TLN2: variants seen among roughly 807,000 people sequenced by gnomAD.
TLN2 encodes talin 2.
Under a neutral mutation model 294.7 loss-of-function variants are expected in TLN2, and 118 were observed. The observed-to-expected ratio is 0.40, with a 90% confidence interval of 0.34 to 0.47. The LOEUF (loss-of-function observed/expected upper bound fraction) is 0.47. TLN2 is among the 20% of genes least tolerant of loss of function. The pLI is 0.84. For synonymous variants in TLN2, 1,431 were observed against 1,304.5 expected, an observed-to-expected ratio of 1.10 and a Z score of -2.09; for missense variants, 3,083 against 3,282.2, an observed-to-expected ratio of 0.94 and a Z score of 1.48.
At position 62,771,184 on chromosome 15, in the gene TLN2, A is replaced by G. The variant is rs779500847; in HGVS notation, c.5367+50A>G. 4 of 1,525,118 alleles carry G rather than the reference A, an allele frequency of 2.6e-6. No homozygotes were observed. In the Admixed American group the frequency reaches 7.6e-5, roughly 29 times the overall value. 94.5% of individuals were successfully genotyped at this position (1,525,118 alleles called of 1,614,324 possible). A position where few individuals can be genotyped will look rare whatever the true frequency, so the allele number is the denominator to read the frequency against. On this transcript the variant is annotated intron_variant, in intron 42 of 58. Coordinates refer to ENST00000636159, the MANE Select transcript of TLN2 (RefSeq NM_015059.3). Reference sequence around the variant, plus strand: ...CACTTAGGACCACTAAGAAGCCATCATGCATTCCTGCTGTAATGTGTCCTT... The same window carrying G: ...CACTTAGGACCACTAAGAAGCCATCGTGCATTCCTGCTGTAATGTGTCCTT...
intron 2 of TLN2, among the ~76,000 whole-genome samples, chr15:62,600,869 A>G (rs2046938317): frequency 6.6e-6 from 1 of 152,196 alleles, no homozygotes; most frequent in Non-Finnish European, 1.5e-5. Context: ...AAAATTATCT[A>G]CATTATGTTA....
intron 1 of TLN2, among the ~76,000 whole-genome samples, chr15:62,549,363 G>C (rs2042162485): frequency 1.3e-5 from 2 of 152,122 alleles, no homozygotes; most frequent in South Asian, 4.1e-4. Context: ...TCTAATACCT[G>C]TACCCAAGCA....
chr15:62,567,367 G>A (rs2043488605), intron 1 of TLN2, among the ~76,000 whole-genome samples: 2 of 152,214 alleles, frequency 1.3e-5, no homozygotes, highest in South Asian at 2.1e-4. Flanking sequence ...TTGAAGTTTG[G>A]AACACATTGT....
In TLN2 at chr15:62,480,675, C is replaced by T. The variant is rs556111159; in HGVS notation, c.-238+89990C>T. 6.6e-5 allele frequency among the ~76,000 whole-genome samples: 10 copies of T among 152,294 alleles called. 1 individual carries two copies. The highest frequency in any genetic ancestry group is 2.4e-4 in the African/African-American group (10 of 41,562). ...AGTCTTCATCACCCTGGTAAGCTGC[C>T]AGTGCTTCCAGTCTTCTGGTCCTGC... On this transcript the variant is annotated intron_variant, in intron 1 of 58. Transcript: ENST00000636159.
chr15:62,589,782 T>C lies in TLN2; in HGVS notation c.-162+20T>C, dbSNP rs1465216895. 1 of 152,230 alleles carries C rather than the reference T, an allele frequency of 6.6e-6. No individual in the cohort carries two copies. Among genetic ancestry groups the C allele is most frequent in the East Asian group, 1.9e-4 (1 of 5,194 alleles). The allele number at this position is 152,230 out of a possible 1,614,324, so 9.4% of individuals were successfully genotyped here. A position where few individuals can be genotyped will look rare whatever the true frequency, so the allele number is the denominator to read the frequency against. On this transcript the variant is annotated intron_variant, in intron 2 of 58. Transcript: ENST00000636159. ...TTTAAGGTAAGTCCTTTCGCAAAGA[T>C]ACTTTGTTCTTATCAATTGGCCAAT...
chr15:62,434,725 C>T (rs542062016), intron 1 of TLN2, among the ~76,000 whole-genome samples: 1 of 152,320 alleles, frequency 6.6e-6, no homozygotes, highest in African/African-American at 2.4e-5. Context: ...AAAATGGAAT[C>T]TCATATCACT....
At chr15:62,533,722 G>A (rs566673205) in intron 1 of TLN2, among the ~76,000 whole-genome samples, 89 of 152,316 alleles carry the variant, frequency 5.8e-4, no homozygotes, top group African/African-American at 2.1e-3. Flanking sequence ...CTTGGTGTTA[G>A]CAGATGCTAG....
chr15:62,635,998 G>A (rs1348933821), intron 3 of TLN2, among the ~76,000 whole-genome samples: 1 of 152,076 alleles, frequency 6.6e-6, no homozygotes, highest in African/African-American at 2.4e-5. Context: ...CTTGGGCGAA[G>A]TCTAAACCTC....
chr15:62,774,796 T>C (rs1266357152), intron 42 of TLN2, among the ~76,000 whole-genome samples: 4 of 152,142 alleles, frequency 2.6e-5, no homozygotes, highest in Non-Finnish European at 5.9e-5. Flanking sequence ...TTTAAATTGT[T>C]GAAGGAGTTC....
chr15:62,730,327 A>G (rs563404918), intron 28 of TLN2, among the ~76,000 whole-genome samples: 145 of 152,272 alleles, frequency 9.5e-4, no homozygotes, highest in Admixed American at 1.8e-3. Context: ...GGTGTGAGCC[A>G]CCGCACCCAG....
At chr15:62,553,843 CAA>C (rs2042457056) in intron 1 of TLN2, among the ~76,000 whole-genome samples, 1 of 151,808 alleles carries the variant, frequency 6.6e-6, no homozygotes, top group Admixed American at 6.6e-5. Context: ...CTTAAGTTGT[CAA>C]GAGAAATTAT....
chr15:62,833,486 G>C lies in TLN2; in HGVS notation c.7003-18G>C, dbSNP rs1169341052. The stretch of plus-strand genomic sequence containing the variant: ...GTGGATATGAATTGAATGTGATGCT[G>C]TTTTCTTTTGGTTATAGCAAGCGGA... On this transcript the variant is annotated intron_variant, in intron 54 of 58. Transcript: ENST00000636159. The C allele has an allele frequency of 4.3e-6, 7 of 1,612,058 alleles. No homozygotes were observed. Among genetic ancestry groups the C allele is most frequent in the African/African-American group, 1.3e-5 (1 of 74,900 alleles).
Position 62,756,744 on chromosome 15 carries a change from C to T in TLN2, c.4638+1051C>T, listed in dbSNP as rs554727968. ...CTCATTTTGTTTTGACTACAAAAAGCCAGTGCAATTGCATGCAGAAATCAG... is the reference window on the plus strand; with the variant it reads ...CTCATTTTGTTTTGACTACAAAAAGTCAGTGCAATTGCATGCAGAAATCAG... On this transcript the variant is annotated intron_variant, in intron 37 of 58. Transcript: ENST00000636159. Among the ~76,000 whole-genome samples, 49 of 152,132 alleles carry T rather than the reference C, an allele frequency of 3.2e-4. 1 individual carries two copies. The highest frequency in any genetic ancestry group is 2.5e-3 in the South Asian group (12 of 4,812).
intron 1 of TLN2, among the ~76,000 whole-genome samples, chr15:62,580,557 C>G (rs1001675109): frequency 6.6e-6 from 1 of 152,080 alleles, no homozygotes; most frequent in African/African-American, 2.4e-5. Flanking sequence ...ACTATAGGCG[C>G]ATACCACCAC....
At chr15:62,831,235 G>A (rs957380616) in intron 54 of TLN2, 1 of 151,982 alleles carries the variant, frequency 6.6e-6, no homozygotes, top group African/African-American at 2.4e-5. Flanking sequence ...AAGTGGACTC[G>A]GGCGTGGAAC....
chr15:62,685,858 G>T (rs1449964761), intron 11 of TLN2, among the ~76,000 whole-genome samples: 1 of 151,958 alleles, frequency 6.6e-6, no homozygotes, highest in African/African-American at 2.4e-5. Flanking sequence ...CCTCCCCCTG[G>T]TCTATCAAAA....
At chr15:62,702,229 G>T (rs12594220) in intron 18 of TLN2, 29 bp downstream of exon 18, 6 of 1,553,336 alleles carry the variant, frequency 3.9e-6, no homozygotes, top group East Asian at 4.8e-5. Context: ...CAATCACTCA[G>T]GTTCTGATGG....
intron 45 of TLN2, among the ~76,000 whole-genome samples, chr15:62,785,247 T>A (rs956682634): frequency 2.6e-5 from 4 of 152,176 alleles, no homozygotes; most frequent in East Asian, 3.9e-4. Flanking sequence ...ATTTTTTTTT[T>A]AAATAGACTC....
intron 3 of TLN2, among the ~76,000 whole-genome samples, chr15:62,619,968 T>TA (rs1167174695): frequency 6.6e-6 from 1 of 152,112 alleles, no homozygotes; most frequent in Non-Finnish European, 1.5e-5. Flanking sequence ...ATCCTCAGTT[T>TA]ATCTAGGTTT....
Sources: allele counts gnomAD v4.1 joint callset (sites outside exome capture counted in the v4.1 genomes callset), GRCh38; gene constraint gnomAD v4.1.1; transcripts MANE v1.5; gene names NCBI Gene and HGNC (gene_info 2026-07-23, HGNC 2026-07-21).